GCNT2: variants seen among roughly 807,000 people sequenced by gnomAD.
The protein encoded by GCNT2 is N-acetyllactosaminide beta-1,6-N-acetylglucosaminyl-transferase.
A neutral mutation model predicts 34.2 loss-of-function variants in GCNT2; 34 were observed. The ratio of observed to expected loss-of-function variants is 1.00; its 90% CI spans 0.76 to 1.32. The LOEUF is 1.32. Ranked by LOEUF, GCNT2 falls within the 40% of genes most tolerant of loss-of-function variation. GCNT2 has a pLI of 0.00. For missense variants in GCNT2, 584 were observed against 489.4 expected, an observed-to-expected ratio of 1.19 and a Z score of -1.82; for synonymous variants, 212 against 188.0, an observed-to-expected ratio of 1.13 and a Z score of -1.04.
Position 10,532,663 on chromosome 6 carries a change from C to CAACGACAGCA in GCNT2, c.925+2827_925+2828insAACGACAGCA, listed in dbSNP as rs1338373766. Among the ~76,000 whole-genome samples, 5 of 152,252 alleles carry CAACGACAGCA rather than the reference C, an allele frequency of 3.3e-5. No individual in the cohort carries two copies. In the South Asian group the frequency reaches 1.0e-3, roughly 32 times the overall value. On this transcript the variant is annotated intron_variant, in intron 3 of 4. Transcript: ENST00000495262. Reference sequence around the variant, plus strand: ...ACTTTAACTTTTGTAGAGACGAGGTCCTGCTGTGTTGCCAGTGCTGGTCTT... The same window carrying CAACGACAGCA: ...ACTTTAACTTTTGTAGAGACGAGGTCAACGACAGCACTGCTGTGTTGCCAGTGCTGGTCTT...
chr6:10,602,270 T>C (rs573643166), intron 3 of GCNT2, among the ~76,000 whole-genome samples: 27 of 152,298 alleles, frequency 1.8e-4, no homozygotes, highest in African/African-American at 5.5e-4. Context: ...AGAAACCATG[T>C]TCCTGGTACT....
chr6:10,616,000 G>C (rs1033680907), intron 3 of GCNT2, among the ~76,000 whole-genome samples: 6 of 152,192 alleles, frequency 3.9e-5, no homozygotes, highest in African/African-American at 1.4e-4. Context: ...GAATTGGTGG[G>C]TTCTTGGTCT....
chr6:10,617,104 C>A (rs1765803631), intron 3 of GCNT2, among the ~76,000 whole-genome samples: 1 of 152,208 alleles, frequency 6.6e-6, no homozygotes, highest in African/African-American at 2.4e-5. Flanking sequence ...CACCATGGAG[C>A]AGGGAGGGGT....
intron 1 of GCNT2, 49 bp downstream of exon 1, chr6:10,521,466 G>T (rs573046367): frequency 6.5e-6 from 1 of 152,830 alleles, no homozygotes; most frequent in African/African-American, 2.4e-5. Flanking sequence ...AGGAAACTGC[G>T]GGGAGCTGGT....
At chr6:10,571,148 A>C (rs954413532) in intron 3 of GCNT2, among the ~76,000 whole-genome samples, 7 of 152,194 alleles carry the variant, frequency 4.6e-5, no homozygotes, top group African/African-American at 1.4e-4. Context: ...GCTCCTTAAA[A>C]TGAGTTTACA....
At chr6:10,587,037 GTTGC>G in intron 3 of GCNT2, 1 of 752,396 alleles carries the variant, frequency 1.3e-6, no homozygotes, top group Non-Finnish European at 2.3e-6. Flanking sequence ...TATTAGTTTG[GTTGC>G]TTGTAGCAAC....
chr6:10,565,070 CT>C (rs1352311144), intron 3 of GCNT2, among the ~76,000 whole-genome samples: 1 of 152,204 alleles, frequency 6.6e-6, no homozygotes, highest in Non-Finnish European at 1.5e-5. Context: ...CAGCCACGCA[CT>C]TGTGAAAGAG....
chr6:10,612,416 C>G (rs1464105137), intron 3 of GCNT2, among the ~76,000 whole-genome samples: 1 of 152,128 alleles, frequency 6.6e-6, no homozygotes, highest in African/African-American at 2.4e-5. Flanking sequence ...CTACTGGCAT[C>G]TAGTGGGAAG....
At chr6:10,622,353 G>A (rs1338132407) in intron 4 of GCNT2, among the ~76,000 whole-genome samples, 1 of 151,950 alleles carries the variant, frequency 6.6e-6, no homozygotes, top group Non-Finnish European at 1.5e-5. Flanking sequence ...AGATCCAGGT[G>A]TCAGCAGGGC....
intron 1 of GCNT2, among the ~76,000 whole-genome samples, chr6:10,525,449 C>A (rs545259290): frequency 6.6e-6 from 1 of 152,248 alleles, no homozygotes; most frequent in South Asian, 2.1e-4. Flanking sequence ...TCCCTGATTA[C>A]CATCTCCTCC....
At chr6:10,579,215 C>G (rs1017493946) in intron 3 of GCNT2, among the ~76,000 whole-genome samples, 3 of 152,074 alleles carry the variant, frequency 2.0e-5, no homozygotes, top group African/African-American at 7.2e-5. Flanking sequence ...GAATATTAAC[C>G]TCTAGTCTTA....
intron 3 of GCNT2, among the ~76,000 whole-genome samples, chr6:10,597,742 G>C (rs577045183): frequency 1.3e-5 from 2 of 150,400 alleles, no homozygotes; most frequent in African/African-American, 4.9e-5. Context: ...GATTATAGGC[G>C]TGAGCCACCA....
At chr6:10,536,808 A>G (rs1056966588) in intron 3 of GCNT2, among the ~76,000 whole-genome samples, 2 of 150,726 alleles carry the variant, frequency 1.3e-5, no homozygotes, top group African/African-American at 2.4e-5. Context: ...GGTTCAAGTA[A>G]TTCTCCTGCC....
chr6:10,587,045 T>A, intron 3 of GCNT2: 2 of 721,706 alleles, frequency 2.8e-6, no homozygotes, highest in Non-Finnish European at 4.8e-6. Flanking sequence ...TGGTTGCTTG[T>A]AGCAACAGTG....
chr6:10,548,496 C>T lies in GCNT2; in HGVS notation c.925+18660C>T, dbSNP rs957141341. 2.0e-5 allele frequency among the ~76,000 whole-genome samples: 3 copies of T among 152,234 alleles called. No homozygotes were observed. In the East Asian group the frequency reaches 5.8e-4, roughly 29 times the overall value. On this transcript the variant is annotated intron_variant, in intron 3 of 4. Transcript: ENST00000495262. Reference sequence around the variant, plus strand: ...GAGTGTAGCACCTAATGCCAGCTATCAGCGTCATCACTCATACTTTCCTGG... The same window carrying T: ...GAGTGTAGCACCTAATGCCAGCTATTAGCGTCATCACTCATACTTTCCTGG...
chr6:10,564,535 C>T (rs909289482), intron 3 of GCNT2, among the ~76,000 whole-genome samples: 12 of 152,182 alleles, frequency 7.9e-5, no homozygotes, highest in Non-Finnish European at 1.5e-4. Context: ...AGCCATGTAT[C>T]CCCCGACATC....
intron 3 of GCNT2, among the ~76,000 whole-genome samples, chr6:10,584,875 T>C (rs1340024851): frequency 6.6e-6 from 1 of 152,170 alleles, no homozygotes; most frequent in East Asian, 1.9e-4. Context: ...ATAGACACAG[T>C]AACAATCTGA....
chr6:10,596,839 T>A (rs1305669443), intron 3 of GCNT2, among the ~76,000 whole-genome samples: 1 of 152,238 alleles, frequency 6.6e-6, no homozygotes, highest in African/African-American at 2.4e-5. Context: ...TACTGCGTAT[T>A]CTCACAGAGG....
intron 3 of GCNT2, chr6:10,574,681 A>G (rs948393168): frequency 8.3e-6 from 3 of 360,086 alleles, no homozygotes; most frequent in Non-Finnish European, 1.6e-5. Context: ...CCTTGAGCCA[A>G]GAATGTTTTT....
Sources: gnomAD v4.1 joint callset for allele counts (sites outside exome capture counted in the v4.1 genomes callset) on GRCh38, gnomAD v4.1.1 for gene constraint, MANE v1.5 for transcripts, NCBI Gene and HGNC (gene_info 2026-07-23, HGNC 2026-07-21) for gene names.